The following HS3ST4 variants were observed in gnomAD, a reference collection of about 807,000 sequenced individuals.
HS3ST4 encodes the protein heparan sulfate-glucosamine 3-sulfotransferase 4, also known as heparan sulfate glucosamine 3-O-sulfotransferase 4.
HS3ST4 carries 17 observed loss-of-function variants against 29.2 expected under a neutral mutation model. The observed-to-expected ratio is 0.58, with a 90% confidence interval of 0.40 to 0.87. The LOEUF is 0.87. Among genes scored for constraint, HS3ST4 ranks in the 40% least tolerant of loss-of-function variants. HS3ST4 has a pLI of 0.00. For synonymous variants in HS3ST4, 314 were observed against 285.7 expected (o/e 1.10, Z -1.00); for missense variants, 627 against 634.5 (o/e 0.99, Z 0.13).
intron 1 of HS3ST4, among the ~76,000 whole-genome samples, chr16:26,047,720 TA>T (rs1898287269): frequency 6.6e-6 from 1 of 152,218 alleles, no homozygotes; most frequent in Non-Finnish European, 1.5e-5. Context: ...TAATTCCTTG[TA>T]CTTAATTCAA....
intron 1 of HS3ST4, among the ~76,000 whole-genome samples, chr16:25,884,758 G>T (rs1967931728): frequency 6.6e-6 from 1 of 152,128 alleles, no homozygotes; most frequent in Admixed American, 6.5e-5. Flanking sequence ...TAGTGATGGG[G>T]TTTCGCCATG....
chr16:26,064,717 A>G (rs998757392), intron 1 of HS3ST4, among the ~76,000 whole-genome samples: 1 of 150,300 alleles, frequency 6.7e-6, no homozygotes, highest in Non-Finnish European at 1.5e-5. Context: ...TCCCAGGTTC[A>G]AGTGATTCTC....
chr16:25,694,069 C>G (rs1186078250), intron 1 of HS3ST4, among the ~76,000 whole-genome samples: 4 of 152,228 alleles, frequency 2.6e-5, no homozygotes, highest in South Asian at 4.1e-4. Flanking sequence ...TTCTCTTTCT[C>G]TCTTTCCTCC....
intron 1 of HS3ST4, among the ~76,000 whole-genome samples, chr16:25,768,919 G>A (rs1966837849): frequency 6.6e-6 from 1 of 152,142 alleles, no homozygotes; most frequent in African/African-American, 2.4e-5. Context: ...GTCCGTTTAA[G>A]CAGTTAGGAG....
intron 1 of HS3ST4, among the ~76,000 whole-genome samples, chr16:25,985,161 G>C (rs1408126631): frequency 6.6e-6 from 1 of 152,206 alleles, no homozygotes; most frequent in Non-Finnish European, 1.5e-5. Context: ...AAATAGGATG[G>C]TATCTCTGGC....
At chr16:25,994,347 A>C (rs1969140981) in intron 1 of HS3ST4, among the ~76,000 whole-genome samples, 2 of 150,606 alleles carry the variant, frequency 1.3e-5, no homozygotes, top group South Asian at 4.2e-4. Context: ...AATCCTTTAG[A>C]TTTATTTTTT....
chr16:25,854,532 C>G (rs2141651235), intron 1 of HS3ST4, among the ~76,000 whole-genome samples: 1 of 152,220 alleles, frequency 6.6e-6, no homozygotes, highest in East Asian at 1.9e-4. Flanking sequence ...CCTCCTATCT[C>G]ATCCTGTGAC....
chr16:26,013,411 A>G (rs1432458617), intron 1 of HS3ST4, among the ~76,000 whole-genome samples: 3 of 152,150 alleles, frequency 2.0e-5, no homozygotes, highest in Non-Finnish European at 4.4e-5. Context: ...AGAGGTTGTT[A>G]TGAGGAGCAA....
rs150396671 is a variant in HS3ST4, at chr16:25,795,704, C to T, written c.734+102553C>T. Among the ~76,000 whole-genome samples the T allele has an allele frequency of 8.8e-3, 1,335 of 152,190 alleles. 63 individuals are homozygous for T. The highest frequency in any genetic ancestry group is 0.08 in the Admixed American group (1,230 of 15,290). On this transcript the variant is annotated intron_variant, in intron 1 of 1. Transcript: ENST00000331351. ...CTATTATTGCCCTCCTGTGTGGGTT[C>T]GACCTTTTCTGTGGCAGGCAGCAGG...
chr16:25,853,566 G>T (rs1967542861), intron 1 of HS3ST4, among the ~76,000 whole-genome samples: 1 of 152,052 alleles, frequency 6.6e-6, no homozygotes, highest in African/African-American at 2.4e-5. Context: ...GTATGTGAAG[G>T]TACATTTCTT....
intron 1 of HS3ST4, among the ~76,000 whole-genome samples, chr16:25,908,701 T>C (rs1968204069): frequency 6.6e-6 from 1 of 152,174 alleles, no homozygotes; most frequent in Non-Finnish European, 1.5e-5. Flanking sequence ...CTGCATGACA[T>C]GAAACAATGT....
At chr16:25,903,329 G>GTATATGTATATATTATATATATA (rs1567268714) in intron 1 of HS3ST4, among the ~76,000 whole-genome samples, 2 of 132,380 alleles carry the variant, frequency 1.5e-5, no homozygotes, top group African/African-American at 5.7e-5. Context: ...TTATATATAT[G>GTATATGTATATATTATATATATA]TATATGTATA....
intron 1 of HS3ST4, among the ~76,000 whole-genome samples, chr16:25,856,213 A>G (rs1359783417): frequency 6.6e-6 from 1 of 152,086 alleles, no homozygotes; most frequent in Admixed American, 6.6e-5. Flanking sequence ...CAGAACTCCT[A>G]AAACCTTTGG....
chr16:25,703,767 C>A (rs1016840456), intron 1 of HS3ST4, among the ~76,000 whole-genome samples: 62 of 152,260 alleles, frequency 4.1e-4, no homozygotes, highest in Admixed American at 7.2e-4. Context: ...ATTCTCTTTT[C>A]CCTCCTCCTG....
intron 1 of HS3ST4, among the ~76,000 whole-genome samples, chr16:25,822,991 G>T (rs1235335837): frequency 6.6e-6 from 1 of 152,100 alleles, no homozygotes; most frequent in African/African-American, 2.4e-5. Flanking sequence ...GCCCTCCTTT[G>T]CCTCCTAAAG....
chr16:26,122,060 A>T (rs1309264654), intron 1 of HS3ST4, among the ~76,000 whole-genome samples: 1 of 151,752 alleles, frequency 6.6e-6, no homozygotes, highest in Non-Finnish European at 1.5e-5. Context: ...ATGAAATCTG[A>T]GGTTATAGGT....
chr16:26,075,069 T>A (rs1898645961), intron 1 of HS3ST4, among the ~76,000 whole-genome samples: 2 of 152,140 alleles, frequency 1.3e-5, no homozygotes. Flanking sequence ...GGTACGCGCC[T>A]GTAGTCCCAG....
At chr16:25,978,942 G>GTTTTTTT (rs34078514) in intron 1 of HS3ST4, among the ~76,000 whole-genome samples, 4 of 132,274 alleles carry the variant, frequency 3.0e-5, no homozygotes, top group Non-Finnish European at 4.7e-5. Context: ...TTCTCTTTTT[G>GTTTTTTT]TTTTTTTTTT....
At chr16:25,972,354 G>A (rs1361640320) in intron 1 of HS3ST4, among the ~76,000 whole-genome samples, 2 of 152,196 alleles carry the variant, frequency 1.3e-5, no homozygotes, top group East Asian at 3.9e-4. Flanking sequence ...GGGTCAGGAA[G>A]CCAGGCACTA....
Sources: allele counts gnomAD v4.1 joint callset (sites outside exome capture counted in the v4.1 genomes callset), GRCh38; gene constraint gnomAD v4.1.1; transcripts MANE v1.5; gene names NCBI Gene and HGNC (gene_info 2026-07-23, HGNC 2026-07-21).